The following ANO4 variants were observed in gnomAD, a reference collection of about 807,000 sequenced individuals.
ANO4 encodes the protein anoctamin 4, also known as anoctamin-4.
Under a neutral mutation model 141.9 loss-of-function variants are expected in ANO4, and 69 were observed. The observed-to-expected ratio is 0.49, with a 90% CI of 0.40 to 0.59. The LOEUF (loss-of-function observed/expected upper bound fraction) is 0.59, where lower values mean the gene tolerates loss of function less well. ANO4 is among the 20% of genes least tolerant of loss of function. The pLI, the probability that ANO4 is intolerant of heterozygous loss-of-function variation, is 0.00. For missense variants in ANO4, 894 were observed against 1,162.2 expected (o/e 0.77, Z 3.36); for synonymous variants, 350 against 394.3 (o/e 0.89, Z 1.33).
chr12:101,044,335 C>A (rs1035139687), intron 13 of ANO4, among the ~76,000 whole-genome samples: 2 of 152,204 alleles, frequency 1.3e-5, no homozygotes, highest in African/African-American at 2.4e-5. Flanking sequence ...AAATACATGA[C>A]ACCACTATTT....
intron 16 of ANO4, among the ~76,000 whole-genome samples, chr12:101,085,282 A>G (rs2049440207): frequency 6.6e-6 from 1 of 152,152 alleles, no homozygotes; most frequent in Admixed American, 6.6e-5. Flanking sequence ...AAAGTCACAA[A>G]ACTTTTTGGA....
chr12:100,912,486 A>T (rs2041154225), intron 2 of ANO4, among the ~76,000 whole-genome samples: 1 of 150,780 alleles, frequency 6.6e-6, no homozygotes, highest in Non-Finnish European at 1.5e-5. Flanking sequence ...GTGAGCTGAG[A>T]TTGTGCCACT....
At chr12:100,851,776 A>T (rs76320422) in intron 1 of ANO4, among the ~76,000 whole-genome samples, 3,448 of 152,210 alleles carry the variant, frequency 0.023, 132 homozygotes, top group African/African-American at 0.078. Context: ...CGCTTACCAG[A>T]TGCACCTGAC....
At chr12:100,777,015 G>A (rs1437798231) in intron 3 of ANO4, among the ~76,000 whole-genome samples, 1 of 151,872 alleles carries the variant, frequency 6.6e-6, no homozygotes, top group African/African-American at 2.4e-5. Context: ...AGACAATTTA[G>A]TCTTCATTTT....
intron 8 of ANO4, among the ~76,000 whole-genome samples, chr12:100,999,283 C>A (rs949222838): frequency 6.6e-6 from 1 of 152,222 alleles, no homozygotes; most frequent in African/African-American, 2.4e-5. Context: ...GAAGCTACTA[C>A]ATTCCTTAGC....
chr12:101,097,800 T>C, intron 20 of ANO4, 48 bp from the exon 21 acceptor site: 1 of 1,607,484 alleles, frequency 6.2e-7, no homozygotes, highest in Non-Finnish European at 8.5e-7. Context: ...AGACACCCTT[T>C]CTTCCTCTCC....
chr12:100,807,645 A>G (rs1030885304), intron 1 of ANO4, among the ~76,000 whole-genome samples: 7 of 152,146 alleles, frequency 4.6e-5, no homozygotes, highest in East Asian at 3.9e-4. Context: ...GGTTTGTGAC[A>G]CAGATCAACC....
intron 3 of ANO4, among the ~76,000 whole-genome samples, chr12:100,745,152 T>A (rs2032047219): frequency 6.6e-6 from 1 of 152,240 alleles, no homozygotes; most frequent in Non-Finnish European, 1.5e-5. Flanking sequence ...CTCACCGCTC[T>A]GTACAGATGT....
chr12:100,881,200 G>T (rs2039551228), intron 1 of ANO4, among the ~76,000 whole-genome samples: 1 of 151,350 alleles, frequency 6.6e-6, no homozygotes, highest in Non-Finnish European at 1.5e-5. Flanking sequence ...CGAGTTAATG[G>T]GTACAGCACA....
chr12:100,937,360 T>C (rs752462019), intron 3 of ANO4, among the ~76,000 whole-genome samples: 3 of 152,168 alleles, frequency 2.0e-5, no homozygotes, highest in Admixed American at 1.3e-4. Context: ...TTGTGTTAAG[T>C]GCTGGAAATG....
chr12:100,863,400 A>G (rs1001049823), intron 1 of ANO4, among the ~76,000 whole-genome samples: 7 of 152,190 alleles, frequency 4.6e-5, no homozygotes, highest in Non-Finnish European at 1.0e-4. Context: ...TTGACTTTCA[A>G]TACTCAGCTC....
chr12:101,025,857 G>A (rs145113793), intron 9 of ANO4, among the ~76,000 whole-genome samples: 1 of 152,214 alleles, frequency 6.6e-6, no homozygotes, highest in African/African-American at 2.4e-5. Context: ...CATGGGAAAA[G>A]CATTTCACAA....
At chr12:101,021,815 C>T (rs1300330937) in intron 9 of ANO4, among the ~76,000 whole-genome samples, 1 of 151,934 alleles carries the variant, frequency 6.6e-6, no homozygotes, top group Non-Finnish European at 1.5e-5. Flanking sequence ...TTATTTTATT[C>T]ATTTACATTT....
At chr12:100,860,370 G>T (rs2038405684) in intron 1 of ANO4, among the ~76,000 whole-genome samples, 1 of 152,174 alleles carries the variant, frequency 6.6e-6, no homozygotes, top group East Asian at 1.9e-4. Context: ...CTAAGGTGTT[G>T]GGAAATTATC....
chr12:101,116,216 G>A (rs1050240346), intron 24 of ANO4, among the ~76,000 whole-genome samples: 4 of 152,158 alleles, frequency 2.6e-5, no homozygotes, highest in African/African-American at 7.2e-5. Flanking sequence ...AGCTTTCAGG[G>A]AATATAGTCT....
At chr12:100,877,885 C>T (rs767620293) in intron 1 of ANO4, among the ~76,000 whole-genome samples, 1 of 152,052 alleles carries the variant, frequency 6.6e-6, no homozygotes, top group Non-Finnish European at 1.5e-5. Context: ...CTCTGACCCT[C>T]GACTCCAGGC....
chr12:100,916,710 G>T (rs2041359119), intron 2 of ANO4, among the ~76,000 whole-genome samples: 1 of 152,142 alleles, frequency 6.6e-6, no homozygotes, highest in South Asian at 2.1e-4. Flanking sequence ...TCAGTGGATA[G>T]AAAAATGGTT....
chr12:100,981,892 T>A (rs1430854579), intron 7 of ANO4, among the ~76,000 whole-genome samples: 2 of 152,096 alleles, frequency 1.3e-5, no homozygotes, highest in Non-Finnish European at 2.9e-5. Flanking sequence ...GGTAAGATTA[T>A]CTCCCCTTTA....
At chr12:100,756,751 TC>T (rs932257042) in intron 3 of ANO4, among the ~76,000 whole-genome samples, 5 of 152,296 alleles carry the variant, frequency 3.3e-5, no homozygotes, top group African/African-American at 9.6e-5. Context: ...CTGTCCCACT[TC>T]TCTGTTCTAC....
Sources: allele counts gnomAD v4.1 joint callset (sites outside exome capture counted in the v4.1 genomes callset), GRCh38; gene constraint gnomAD v4.1.1; transcripts MANE v1.5; gene names NCBI Gene and HGNC (gene_info 2026-07-23, HGNC 2026-07-21).